Variants in BTBD9 observed in about 807,000 individuals in gnomAD.
BTBD9 encodes BTB domain containing 9, also known as BTB/POZ domain-containing protein 9.
A neutral mutation model predicts 64.3 loss-of-function variants in BTBD9; 49 were observed. That is an observed-to-expected ratio of 0.76 (90% CI 0.61 to 0.97). BTBD9 has a LOEUF of 0.97. Among genes scored for constraint, BTBD9 ranks in the 50% least tolerant of loss-of-function variants. The pLI is 0.00. For missense variants in BTBD9, 598 were observed against 762.1 expected, an observed-to-expected ratio of 0.78 and a Z score of 2.53; for synonymous variants, 260 against 274.7, an observed-to-expected ratio of 0.95 and a Z score of 0.53.
At chr6:38,247,155 TAA>T (rs5875623) in intron 9 of BTBD9, among the ~76,000 whole-genome samples, 2 of 148,998 alleles carry the variant, frequency 1.3e-5, no homozygotes, top group Non-Finnish European at 1.5e-5. Context: ...AAAGAAGATG[TAA>T]AAAAAAAAAA....
intron 6 of BTBD9, among the ~76,000 whole-genome samples, chr6:38,483,851 C>T (rs1033124355): frequency 6.6e-6 from 1 of 152,218 alleles, no homozygotes; most frequent in African/African-American, 2.4e-5. Flanking sequence ...CCTTCCCTGA[C>T]CGTTCTGCTC....
At chr6:38,535,898 CA>C (rs2127433613) in intron 6 of BTBD9, among the ~76,000 whole-genome samples, 1 of 152,082 alleles carries the variant, frequency 6.6e-6, no homozygotes, top group South Asian at 2.1e-4. Flanking sequence ...ACTACTAAAA[CA>C]AAACACTGAG....
chr6:38,328,983 T>TGC (rs1763568021), intron 7 of BTBD9, among the ~76,000 whole-genome samples: 4 of 147,736 alleles, frequency 2.7e-5, no homozygotes, highest in South Asian at 2.1e-4. Flanking sequence ...TGTGTGTGTG[T>TGC]GTGTGTGTGT....
intron 6 of BTBD9, among the ~76,000 whole-genome samples, chr6:38,516,255 T>C (rs1208221244): frequency 1.3e-5 from 2 of 151,552 alleles, no homozygotes; most frequent in African/African-American, 4.8e-5. Context: ...TTATGTTACA[T>C]GAAATAAATA....
chr6:38,454,738 A>T (rs945299604), intron 6 of BTBD9, among the ~76,000 whole-genome samples: 1 of 151,606 alleles, frequency 6.6e-6, no homozygotes, highest in Non-Finnish European at 1.5e-5. Context: ...TTGAGGCTGC[A>T]GTGAGCTATG....
chr6:38,563,488 C>G (rs927816853), intron 6 of BTBD9, among the ~76,000 whole-genome samples: 4 of 152,172 alleles, frequency 2.6e-5, no homozygotes, highest in Non-Finnish European at 5.9e-5. Flanking sequence ...CCATTCCCCA[C>G]AAGGAGGCAA....
At chr6:38,254,774 G>A (rs933321621) in intron 9 of BTBD9, among the ~76,000 whole-genome samples, 4 of 152,238 alleles carry the variant, frequency 2.6e-5, no homozygotes, top group African/African-American at 4.8e-5. Flanking sequence ...AAGTGCTTGT[G>A]AGAATGTGGA....
chr6:38,324,146 C>T (rs921007587), intron 7 of BTBD9, among the ~76,000 whole-genome samples: 5 of 151,974 alleles, frequency 3.3e-5, no homozygotes, highest in Admixed American at 6.6e-5. Context: ...GTTCAAAAAA[C>T]GGATAATTTA....
chr6:38,513,006 G>C (rs1772842067), intron 6 of BTBD9, among the ~76,000 whole-genome samples: 1 of 152,136 alleles, frequency 6.6e-6, no homozygotes, highest in Admixed American at 6.5e-5. Flanking sequence ...AAATGGGTTG[G>C]ACCATACACT....
chr6:38,631,427 T>C (rs1387521616), intron 1 of BTBD9, among the ~76,000 whole-genome samples: 3 of 152,250 alleles, frequency 2.0e-5, no homozygotes, highest in Admixed American at 2.0e-4. Flanking sequence ...TCCCTGAGTA[T>C]GGGCTAGACT....
chr6:38,555,040 C>T (rs1202423162), intron 6 of BTBD9, among the ~76,000 whole-genome samples: 2 of 152,232 alleles, frequency 1.3e-5, no homozygotes, highest in African/African-American at 2.4e-5. Flanking sequence ...CAGTCCCCTC[C>T]AGTACCCCCA....
intron 9 of BTBD9, among the ~76,000 whole-genome samples, chr6:38,243,601 T>C (rs1764082596): frequency 6.6e-6 from 1 of 152,094 alleles, no homozygotes; most frequent in Admixed American, 6.6e-5. Flanking sequence ...ATATAGCACC[T>C]GAATGACTGT....
rs1158159810 is a variant in BTBD9, at chr6:38,472,409, CAG to C, written c.1154+105189_1154+105190del. On this transcript the variant is annotated intron_variant, in intron 6 of 10. Transcript: ENST00000481247. ...TTAGAAATATTTAAATAACATTTTACAGAGTGTTAAGCAGCAAGTGCAACTGT... is the reference window on the plus strand; with the variant it reads ...TTAGAAATATTTAAATAACATTTTACAGTGTTAAGCAGCAAGTGCAACTGT... Among the ~76,000 whole-genome samples, 6 of 152,156 alleles carry C rather than the reference CAG, an allele frequency of 3.9e-5. No individual in the cohort carries two copies. In the East Asian group the frequency reaches 5.8e-4, roughly 15 times the overall value.
At chr6:38,275,841 G>A (rs1456021741) in intron 8 of BTBD9, among the ~76,000 whole-genome samples, 1 of 151,980 alleles carries the variant, frequency 6.6e-6, no homozygotes, top group Non-Finnish European at 1.5e-5. Flanking sequence ...TAAAAAGCCA[G>A]GAAACAACAG....
At chr6:38,394,001 A>G (rs1766551003) in intron 6 of BTBD9, among the ~76,000 whole-genome samples, 1 of 152,186 alleles carries the variant, frequency 6.6e-6, no homozygotes, top group African/African-American at 2.4e-5. Flanking sequence ...GTCTAGTAGA[A>G]AAGACAAGAT....
intron 6 of BTBD9, among the ~76,000 whole-genome samples, chr6:38,544,927 C>CAAAAAAAAAA (rs58694810): frequency 2.5e-4 from 12 of 48,302 alleles, no homozygotes; most frequent in Non-Finnish European, 3.7e-4. Flanking sequence ...AACTACATCT[C>CAAAAAAAAAA]AAAAAAAAAA....
At chr6:38,472,013 T>G (rs1187868077) in intron 6 of BTBD9, among the ~76,000 whole-genome samples, 1 of 152,318 alleles carries the variant, frequency 6.6e-6, no homozygotes, top group East Asian at 1.9e-4. Context: ...CTGAACATTC[T>G]GCAAGATTCC....
intron 8 of BTBD9, among the ~76,000 whole-genome samples, chr6:38,266,622 GAAAGAA>G (rs1764997261): frequency 3.0e-5 from 1 of 33,576 alleles, no homozygotes. Context: ...AAGAAAGAAA[GAAAGAA>G]AGAAAGAAAG....
chr6:38,491,425 T>A (rs1459765789), intron 6 of BTBD9, among the ~76,000 whole-genome samples: 2 of 152,258 alleles, frequency 1.3e-5, no homozygotes, highest in Non-Finnish European at 2.9e-5. Flanking sequence ...CTACCATTGC[T>A]AACTAACTAG....
Sources: allele counts gnomAD v4.1 joint callset (sites outside exome capture counted in the v4.1 genomes callset), GRCh38; gene constraint gnomAD v4.1.1; transcripts MANE v1.5; gene names NCBI Gene and HGNC (gene_info 2026-07-23, HGNC 2026-07-21).